The following PSMD14 variants were observed in gnomAD, a reference collection of about 807,000 sequenced individuals.
PSMD14 encodes the protein ubiquitin C-terminal hydrolase PSMD14.
PSMD14 carries 7 observed loss-of-function variants against 41.2 expected under a neutral mutation model. The observed-to-expected ratio is 0.17, with a 90% confidence interval of 0.10 to 0.32. The LOEUF is 0.32. Ranked by LOEUF, PSMD14 falls within the 10% of genes least tolerant of loss-of-function variation. The pLI, the probability that PSMD14 is intolerant of heterozygous loss-of-function variation, is 1.00. For missense variants in PSMD14, 139 were observed against 375.6 expected, an observed-to-expected ratio of 0.37 and a Z score of 5.21; for synonymous variants, 114 against 122.3, an observed-to-expected ratio of 0.93 and a Z score of 0.45.
At chr2:161,408,963 G>A (rs1034551985) in intron 11 of PSMD14, 64 bp downstream of exon 11, 1 of 1,321,082 alleles carries the variant, frequency 7.6e-7, no homozygotes, top group African/African-American at 1.5e-5. Flanking sequence ...AGTTAAAACT[G>A]TTTTAGGGCC....
At chr2:161,319,717 G>T (rs1689182923) in intron 3 of PSMD14, among the ~76,000 whole-genome samples, 1 of 152,052 alleles carries the variant, frequency 6.6e-6, no homozygotes, top group Non-Finnish European at 1.5e-5. Context: ...ACTGCTATCA[G>T]TGACTTCATC....
chr2:161,345,112 C>T (rs1170215065), intron 3 of PSMD14, among the ~76,000 whole-genome samples: 2 of 152,028 alleles, frequency 1.3e-5, no homozygotes, highest in Non-Finnish European at 2.9e-5. Context: ...TGTCTCACAC[C>T]ATTTGTTGAA....
intron 8 of PSMD14, among the ~76,000 whole-genome samples, chr2:161,385,869 A>C (rs1683628309): frequency 6.6e-6 from 1 of 151,718 alleles, no homozygotes; most frequent in South Asian, 2.1e-4. Flanking sequence ...ATAGAGAAGG[A>C]CCAATAGGAG....
chr2:161,340,979 C>A, intron 3 of PSMD14: 8 of 1,612,602 alleles, frequency 5.0e-6, no homozygotes, highest in Non-Finnish European at 6.8e-6. Flanking sequence ...AGTCCTGCTC[C>A]TCTTCCTGCC....
intron 3 of PSMD14, among the ~76,000 whole-genome samples, chr2:161,361,799 A>C (rs114258420): frequency 1.3e-3 from 205 of 152,198 alleles, no homozygotes; most frequent in African/African-American, 4.7e-3. Flanking sequence ...TCATTGACAA[A>C]TTTTGCTCAG....
intron 7 of PSMD14, among the ~76,000 whole-genome samples, chr2:161,372,641 CTATA>C (rs1683451153): frequency 6.6e-6 from 1 of 151,774 alleles, no homozygotes; most frequent in South Asian, 2.1e-4. Context: ...TTTTTTTTAA[CTATA>C]TGTGTTGTTA....
intron 8 of PSMD14, among the ~76,000 whole-genome samples, chr2:161,388,378 A>G (rs1040529973): frequency 6.6e-6 from 1 of 152,118 alleles, no homozygotes; most frequent in African/African-American, 2.4e-5. Flanking sequence ...TGCCCAGGTA[A>G]TCCAGTGAGG....
intron 3 of PSMD14, among the ~76,000 whole-genome samples, chr2:161,357,385 T>G (rs142616951): frequency 6.6e-6 from 1 of 152,144 alleles, no homozygotes; most frequent in African/African-American, 2.4e-5. Context: ...GTGGCTCAGC[T>G]TTTTACCCTA....
chr2:161,399,882 A>C (rs1484486508), intron 10 of PSMD14, among the ~76,000 whole-genome samples: 1 of 152,180 alleles, frequency 6.6e-6, no homozygotes, highest in African/African-American at 2.4e-5. Flanking sequence ...ATTTCACAAA[A>C]ACATACAGAA....
intron 3 of PSMD14, among the ~76,000 whole-genome samples, chr2:161,349,180 A>G (rs1487317469): frequency 6.6e-6 from 1 of 152,232 alleles, no homozygotes; most frequent in East Asian, 1.9e-4. Flanking sequence ...GCATCAACAT[A>G]GTATCTACAG....
At chr2:161,371,871 G>C (rs183043422) in intron 7 of PSMD14, among the ~76,000 whole-genome samples, 206 of 152,150 alleles carry the variant, frequency 1.4e-3, no homozygotes, top group African/African-American at 4.7e-3. Flanking sequence ...TCTGAAAACA[G>C]ATTAACTTGC....
intron 7 of PSMD14, chr2:161,382,878 T>TA (rs370012266): frequency 2.6e-5 from 4 of 151,818 alleles, no homozygotes; most frequent in South Asian, 2.1e-4. Flanking sequence ...TACCAACCCA[T>TA]ACATTAATTA....
chr2:161,359,568 G>A (rs1683260727), intron 3 of PSMD14, among the ~76,000 whole-genome samples: 1 of 151,958 alleles, frequency 6.6e-6, no homozygotes, highest in Non-Finnish European at 1.5e-5. Context: ...ACAGTGTATA[G>A]TGCATTTTGC....
intron 3 of PSMD14, among the ~76,000 whole-genome samples, chr2:161,351,048 A>C (rs1683112280): frequency 6.6e-6 from 1 of 152,200 alleles, no homozygotes; most frequent in Non-Finnish European, 1.5e-5. Flanking sequence ...AGTTCTTTTT[A>C]AAATGTGGAA....
At chr2:161,376,095 G>A (rs1482476553) in intron 7 of PSMD14, among the ~76,000 whole-genome samples, 1 of 148,690 alleles carries the variant, frequency 6.7e-6, no homozygotes, top group African/African-American at 2.5e-5. Flanking sequence ...ATATATCTAT[G>A]TATATATATA....
At chr2:161,347,473 G>A (rs183344903) in intron 3 of PSMD14, among the ~76,000 whole-genome samples, 1 of 152,208 alleles carries the variant, frequency 6.6e-6, no homozygotes, top group Admixed American at 6.5e-5. Flanking sequence ...ATTTGTGTTG[G>A]AATATTCTAG....
chr2:161,358,131 A>G (rs979230249), intron 3 of PSMD14, among the ~76,000 whole-genome samples: 5 of 152,134 alleles, frequency 3.3e-5, no homozygotes, highest in African/African-American at 1.2e-4. Context: ...ATATCATTAT[A>G]TAATTTTTTT....
At chr2:161,373,288 A>G (rs1456155240) in intron 7 of PSMD14, among the ~76,000 whole-genome samples, 1 of 151,898 alleles carries the variant, frequency 6.6e-6, no homozygotes, top group African/African-American at 2.4e-5. Context: ...GTATGTTAGG[A>G]AGAAATCTTT....
intron 10 of PSMD14, among the ~76,000 whole-genome samples, chr2:161,406,852 G>A (rs1683954302): frequency 6.6e-6 from 1 of 152,064 alleles, no homozygotes; most frequent in Non-Finnish European, 1.5e-5. Context: ...TTATGTAAAA[G>A]ATTTTTAAAA....
Sources: gnomAD v4.1 joint callset for allele counts (sites outside exome capture counted in the v4.1 genomes callset) on GRCh38, gnomAD v4.1.1 for gene constraint, MANE v1.5 for transcripts, NCBI Gene and HGNC (gene_info 2026-07-23, HGNC 2026-07-21) for gene names.